GRAMD2B: variants seen among roughly 807,000 people sequenced by gnomAD.
GRAMD2B encodes GRAM domain-containing protein 2B.
Under a neutral mutation model 59.2 loss-of-function variants are expected in GRAMD2B, and 41 were observed. The observed-to-expected ratio is 0.69, with a 90% CI of 0.54 to 0.90. GRAMD2B has a LOEUF of 0.90. Ranked by LOEUF, GRAMD2B falls within the 40% of genes least tolerant of loss-of-function variation. GRAMD2B has a pLI of 0.00. For synonymous variants in GRAMD2B, 161 were observed against 182.7 expected, an observed-to-expected ratio of 0.88 and a Z score of 0.96; for missense variants, 424 against 500.5, an observed-to-expected ratio of 0.85 and a Z score of 1.46.
rs574485248 is a variant in GRAMD2B, at chr5:126,447,604, C to T, written c.84-17822C>T. ...GCGTGAACCCGGGAGGCGGAGCTTG[C>T]AGTGAGCCGAGATCGTGCCACTGCA... On this transcript the variant is annotated intron_variant, in intron 1 of 13. Transcript: ENST00000285689. Among the ~76,000 whole-genome samples the T allele has an allele frequency of 4.6e-4, 69 of 149,252 alleles. 2 individuals carry two copies. The South Asian group carries it at 0.011, about 25-fold the overall frequency.
At chr5:126,441,027 T>C (rs1763194742) in intron 1 of GRAMD2B, among the ~76,000 whole-genome samples, 1 of 152,236 alleles carries the variant, frequency 6.6e-6, no homozygotes, top group Non-Finnish European at 1.5e-5. Flanking sequence ...TTAAAAATGA[T>C]GATATTCTCT....
At chr5:126,469,833 C>T (rs1263621623) in intron 3 of GRAMD2B, 45 bp downstream of exon 3, 2 of 1,393,598 alleles carry the variant, frequency 1.4e-6, no homozygotes, top group South Asian at 1.2e-5. Context: ...GGTGACAGGG[C>T]TACTGAAGCC....
chr5:126,469,545 G>A, intron 2 of GRAMD2B, 132 bp from the exon 3 acceptor site: 1 of 643,476 alleles, frequency 1.6e-6, no homozygotes, highest in Non-Finnish European at 2.8e-6. Context: ...TGAGGTGGGA[G>A]GATCGCTTGA....
intron 13 of GRAMD2B, among the ~76,000 whole-genome samples, chr5:126,491,602 A>G (rs533184883): frequency 6.6e-6 from 1 of 152,280 alleles, no homozygotes; most frequent in Admixed American, 6.5e-5. Flanking sequence ...CACTCACCTG[A>G]GAACACCCAT....
At chr5:126,381,249 C>T (rs1283583110) in intron 1 of GRAMD2B, among the ~76,000 whole-genome samples, 1 of 152,094 alleles carries the variant, frequency 6.6e-6, no homozygotes, top group Non-Finnish European at 1.5e-5. Flanking sequence ...TGGTATAAAA[C>T]CCACTTGATC....
intron 2 of GRAMD2B, 72 bp downstream of exon 2, chr5:126,465,617 T>G (rs1339710152): frequency 7.1e-7 from 1 of 1,416,778 alleles, no homozygotes; most frequent in Admixed American, 2.0e-5. Context: ...GGAGCAGGGG[T>G]TTTTTGTTAA....
chr5:126,410,475 AT>A (rs1345062964), intron 1 of GRAMD2B, among the ~76,000 whole-genome samples: 1 of 151,626 alleles, frequency 6.6e-6, no homozygotes, highest in Non-Finnish European at 1.5e-5. Context: ...TTCACTCATG[AT>A]TTGGCTCTCT....
chr5:126,363,206 G>A (rs914791765), intron 1 of GRAMD2B, among the ~76,000 whole-genome samples: 1 of 152,044 alleles, frequency 6.6e-6, no homozygotes, highest in Non-Finnish European at 1.5e-5. Context: ...TGGCCAATAA[G>A]GACATGCAAA....
intron 2 of GRAMD2B, among the ~76,000 whole-genome samples, chr5:126,469,191 G>C (rs1769065928): frequency 2.0e-5 from 3 of 152,066 alleles, no homozygotes; most frequent in Non-Finnish European, 1.5e-5. Flanking sequence ...TTTGATTACA[G>C]CCTGATGAAA....
At chr5:126,468,694 G>T (rs529412480) in intron 2 of GRAMD2B, among the ~76,000 whole-genome samples, 1 of 151,992 alleles carries the variant, frequency 6.6e-6, no homozygotes, top group South Asian at 2.1e-4. Context: ...CGCTATGTTG[G>T]CCAGGCCGGT....
intron 1 of GRAMD2B, among the ~76,000 whole-genome samples, chr5:126,381,788 C>T (rs555735428): frequency 6.6e-6 from 1 of 151,818 alleles, no homozygotes; most frequent in South Asian, 2.1e-4. Flanking sequence ...TTTTATAGGT[C>T]CTGTGAGATT....
At chr5:126,461,283 A>G (rs1330621712) in intron 1 of GRAMD2B, among the ~76,000 whole-genome samples, 1 of 152,228 alleles carries the variant, frequency 6.6e-6, no homozygotes, top group Non-Finnish European at 1.5e-5. Flanking sequence ...AAACTCACAG[A>G]GACTATCTCC....
intron 1 of GRAMD2B, among the ~76,000 whole-genome samples, chr5:126,388,676 A>G (rs1756417148): frequency 1.3e-5 from 2 of 151,476 alleles, no homozygotes; most frequent in Admixed American, 1.3e-4. Flanking sequence ...AATTCAGCAC[A>G]CTAGATTATA....
rs758038224 is a variant in GRAMD2B, at chr5:126,423,688, C to A, written c.82C>A (p.His28Asn). 6.2e-7 allele frequency: 1 copy of A among 1,605,596 alleles called. No homozygotes were observed. The highest frequency in any genetic ancestry group is 8.5e-7 in the Non-Finnish European group (1 of 1,176,670). The change falls in exon 1 of 14, where the codon CAC becomes AAC. Residue 28 changes from histidine to asparagine, a missense_variant and splice_region_variant. By Grantham distance (68) the His-to-Asn change is moderately conservative (BLOSUM62 1). Coordinates refer to ENST00000285689, the MANE Select transcript of GRAMD2B (RefSeq NM_023927.4). ...GAGGGAGAGCAAACTTGGCTCAGCC[C>A]AGTGAGTATTCTCAGCTGGGACCCA... ...GKRESKLGSA[H>N]SEAENGVEEK...
intron 1 of GRAMD2B, among the ~76,000 whole-genome samples, chr5:126,438,359 C>T (rs1022446561): frequency 2.6e-5 from 4 of 152,088 alleles, no homozygotes; most frequent in Admixed American, 1.3e-4. Flanking sequence ...CAGAACAAGC[C>T]CAGAGGTGTC....
upstream of GRAMD2B, among the ~76,000 whole-genome samples, chr5:126,418,641 T>G (rs2149770484): frequency 6.6e-6 from 1 of 152,358 alleles, no homozygotes; most frequent in African/African-American, 2.4e-5. Flanking sequence ...GAAGATTCCA[T>G]AATCTACTAC....
At chr5:126,423,294 C>A, upstream of GRAMD2B, 10 of 1,204,920 alleles carry the variant, frequency 8.3e-6, no homozygotes, top group Non-Finnish European at 9.3e-6. Context: ...CCGAAAGACT[C>A]GTTCAACAGG....
chr5:126,453,348 GAAAA>G (rs35983190), intron 1 of GRAMD2B, among the ~76,000 whole-genome samples: 40,957 of 128,876 alleles, frequency 0.32, 5,282 homozygotes, highest in East Asian at 0.54. Context: ...CATCTTAAAA[GAAAA>G]AAAAAAAAAA....
intron 5 of GRAMD2B, among the ~76,000 whole-genome samples, chr5:126,476,911 C>T (rs971548940): frequency 5.9e-5 from 9 of 152,116 alleles, no homozygotes; most frequent in African/African-American, 9.7e-5. Flanking sequence ...GAGAAGCAGA[C>T]GAGGCTATCT....
Sources: gnomAD v4.1 joint callset for allele counts (sites outside exome capture counted in the v4.1 genomes callset) on GRCh38, gnomAD v4.1.1 for gene constraint, MANE v1.5 for transcripts, NCBI Gene and HGNC (gene_info 2026-07-23, HGNC 2026-07-21) for gene names.